Variants in AMZ1 observed in about 807,000 individuals in gnomAD.
The protein encoded by AMZ1 is archaemetzincin-1.
AMZ1 carries 39 observed loss-of-function variants against 29.9 expected under a neutral mutation model. The observed-to-expected ratio is 1.30, with a 90% confidence interval of 1.01 to 1.70. AMZ1 has a LOEUF of 1.70. Ranked by LOEUF, AMZ1 falls within the 40% of genes most tolerant of loss-of-function variation. The probability of loss-of-function intolerance (pLI) is 0.00; values close to 1 mark genes in which losing one functional copy is unlikely to be tolerated. For synonymous variants in AMZ1, 458 were observed against 304.0 expected, an observed-to-expected ratio of 1.51 and a Z score of -5.27; for missense variants, 1,041 against 680.6, an observed-to-expected ratio of 1.53 and a Z score of -5.89.
chr7:2,735,780 T>C (rs1325062189), intron 4 of AMZ1, among the ~76,000 whole-genome samples: 1 of 152,188 alleles, frequency 6.6e-6, no homozygotes, highest in Non-Finnish European at 1.5e-5. Flanking sequence ...AAATCTAGTT[T>C]CATGTCAGGG....
chr7:2,726,735 A>G (rs1789635733), intron 4 of AMZ1, among the ~76,000 whole-genome samples: 1 of 152,240 alleles, frequency 6.6e-6, no homozygotes, highest in South Asian at 2.1e-4. Context: ...TTTGGGCAAG[A>G]AGAGAGATGC....
rs774028213 is a variant in AMZ1 at position 2,712,513 on chromosome 7, G to T, written c.1132G>T (p.Ala378Ser). Residue 378 changes from alanine (A) to serine (S), a missense_variant, in exon 7 of 7, where the codon GCC (alanine) becomes TCC (serine). Physicochemically the swap from Ala to Ser is moderately conservative, Grantham distance 99. Transcript: ENST00000683327. ...CCCTGATGCCGGGAGTCACACCTTCGCCTCGGGGCCAGAGGAAGGGCTGAG... is the reference window on the plus strand; with the variant it reads ...CCCTGATGCCGGGAGTCACACCTTCTCCTCGGGGCCAGAGGAAGGGCTGAG... ...LTPDAGSHTF[A>S]SGPEEGLSYL... 1 of 1,608,268 alleles carries T rather than the reference G, an allele frequency of 6.2e-7. No homozygotes were observed. The highest frequency in any genetic ancestry group is 8.5e-7 in the Non-Finnish European group (1 of 1,177,748).
upstream of AMZ1, chr7:2,762,573 G>A (rs1214226029): frequency 6.8e-7 from 1 of 1,470,302 alleles, no homozygotes; most frequent in South Asian, 1.4e-5. Context: ...GACATTTCCT[G>A]AAAATTACAT....
Position 2,744,248 on chromosome 7 carries a change from G to A in AMZ1, n.551-20464G>A, listed in dbSNP as rs549561781. On this transcript the variant is annotated intron_variant and non_coding_transcript_variant, in intron 4 of 4. Coordinates refer to the AMZ1 transcript ENST00000489665. ...TCAAGTGGGTCCCTGACCCTGAGTA[G>A]CCTAACTGGGAGGCACCCCCCAGTA... Among the ~76,000 whole-genome samples the A allele has an allele frequency of 9.8e-5, 15 of 152,346 alleles. No individual in the cohort carries two copies. In the East Asian group the frequency reaches 2.9e-3, roughly 29 times the overall value.
At chr7:2,739,743 G>A (rs1414716567) in intron 4 of AMZ1, among the ~76,000 whole-genome samples, 5 of 152,118 alleles carry the variant, frequency 3.3e-5, no homozygotes, top group Non-Finnish European at 7.4e-5. Flanking sequence ...GTGCGATCTT[G>A]GCTCACCGCA....
At chr7:2,682,062 C>G (rs951130642) in intron 1 of AMZ1, among the ~76,000 whole-genome samples, 1 of 152,186 alleles carries the variant, frequency 6.6e-6, no homozygotes, top group East Asian at 1.9e-4. Context: ...GCTCTGGCTG[C>G]TCTCTGGAGG....
rs561386921 is a variant in AMZ1, at chr7:2,712,581, T to C, written c.1200T>C (p.Pro400=). 4.3e-6 allele frequency: 7 copies of C among 1,611,960 alleles called. No homozygotes were observed. The highest frequency in any genetic ancestry group is 1.1e-5 in the South Asian group (1 of 90,910). ...AGGCTCCGCTGCCACCTGGGGGCCCTGCGGAGGCCATCAAGGAGCATGAAC... is the reference window on the plus strand; with the variant it reads ...AGGCTCCGCTGCCACCTGGGGGCCCCGCGGAGGCCATCAAGGAGCATGAAC... ...ASEAPLPPGG[P]AEAIKEHERW... Residue 400 remains proline, a synonymous_variant, in exon 7 of 7, where the codon CCT becomes CCC. Transcript: ENST00000683327.
chr7:2,694,605 T>C (rs990018508), intron 1 of AMZ1, among the ~76,000 whole-genome samples: 6 of 151,836 alleles, frequency 4.0e-5, no homozygotes, highest in East Asian at 1.9e-4. Flanking sequence ...CCTATAAATA[T>C]ACATGTGAGA....
downstream of AMZ1, among the ~76,000 whole-genome samples, chr7:2,722,989 TAAAGTA>T (rs565683821): frequency 9.6e-3 from 1,461 of 151,564 alleles, 26 homozygotes; most frequent in African/African-American, 0.034. Context: ...TAAAATAAAA[TAAAGTA>T]AAATAAAATA....
chr7:2,762,757 G>T, upstream of AMZ1: 1 of 1,550,574 alleles, frequency 6.4e-7, no homozygotes, highest in East Asian at 2.4e-5. Context: ...AGTGCACCAG[G>T]CCCGTCCTTT....
At chr7:2,705,311 C>G (rs117268984) in intron 3 of AMZ1, among the ~76,000 whole-genome samples, 4 of 152,178 alleles carry the variant, frequency 2.6e-5, no homozygotes, top group Non-Finnish European at 5.9e-5. Flanking sequence ...ACTCCCCCAC[C>G]CCAGAAACAG....
At chr7:2,737,826 T>G (rs1414316169) in intron 4 of AMZ1, among the ~76,000 whole-genome samples, 1 of 152,208 alleles carries the variant, frequency 6.6e-6, no homozygotes, top group Non-Finnish European at 1.5e-5. Flanking sequence ...AAATAAATAT[T>G]AAAGTTAGCA....
At chr7:2,701,649 G>A (rs899280164) in intron 2 of AMZ1, among the ~76,000 whole-genome samples, 3 of 152,214 alleles carry the variant, frequency 2.0e-5, no homozygotes, top group Admixed American at 6.5e-5. Flanking sequence ...CACACGGGAC[G>A]GGGGCCCTTG....
intron 4 of AMZ1, among the ~76,000 whole-genome samples, chr7:2,739,342 G>A (rs1344479386): frequency 6.6e-6 from 1 of 152,172 alleles, no homozygotes; most frequent in East Asian, 1.9e-4. Flanking sequence ...CCATGGATTT[G>A]CCGGTTCTGG....
At chr7:2,720,817 G>A (rs147270522), downstream of AMZ1, among the ~76,000 whole-genome samples, 1,444 of 152,222 alleles carry the variant, frequency 9.5e-3, 28 homozygotes, top group Admixed American at 0.041. Context: ...CTGGACTACA[G>A]GTGTGTATCT....
At chr7:2,695,638 A>G (rs1400482063) in intron 1 of AMZ1, among the ~76,000 whole-genome samples, 13 of 152,102 alleles carry the variant, frequency 8.5e-5, no homozygotes, top group Non-Finnish European at 2.9e-5. Flanking sequence ...GCTTGAGCCC[A>G]GGAGTTGGAG....
chr7:2,722,187 C>T (rs1162556104), downstream of AMZ1, among the ~76,000 whole-genome samples: 1 of 152,150 alleles, frequency 6.6e-6, no homozygotes, highest in Non-Finnish European at 1.5e-5. Context: ...GAGTAGGTGC[C>T]AAGCTTACCA....
At position 2,709,689 on chromosome 7, in the gene AMZ1, G is replaced by A. The variant is rs1351510605; in HGVS notation, c.821G>A (p.Trp274Ter). 4 of 1,610,886 alleles carry A rather than the reference G, an allele frequency of 2.5e-6. No homozygotes were observed. The highest frequency in any genetic ancestry group is 1.7e-6 in the Non-Finnish European group (2 of 1,179,764). The change falls in exon 6 of 7, where the codon TGG (tryptophan) becomes TAG (stop). Residue 274 changes from tryptophan (W) to a stop codon, truncating the protein, a stop_gained. Coordinates refer to ENST00000683327, the MANE Select transcript of AMZ1 (RefSeq NM_001384743.1). LOFTEE classifies it high-confidence loss of function. ...CTTCTGGGCCTGGGGAACTGCCGCT[G>A]GCTCCGCTGCCTCATGCAGGGTGCG... ...CHLLGLGNCR[W>*]LRCLMQGALS...
intron 4 of AMZ1, among the ~76,000 whole-genome samples, chr7:2,732,025 T>G (rs912924035): frequency 3.3e-5 from 5 of 152,222 alleles, no homozygotes; most frequent in Non-Finnish European, 5.9e-5. Flanking sequence ...CACATCCATT[T>G]TCTTCTCCAG....
Sources: gnomAD v4.1 joint callset for allele counts (sites outside exome capture counted in the v4.1 genomes callset) on GRCh38, gnomAD v4.1.1 for gene constraint, MANE v1.5 for transcripts, NCBI Gene and HGNC (gene_info 2026-07-23, HGNC 2026-07-21) for gene names.